Variants in SOCS5 observed in about 807,000 individuals in gnomAD.
The protein encoded by SOCS5 is suppressor of cytokine signaling 5.
Under a neutral mutation model 42.8 loss-of-function variants are expected in SOCS5, and 32 were observed. The observed-to-expected ratio is 0.75, with a 90% CI of 0.56 to 1.01. SOCS5 has a LOEUF of 1.01. SOCS5 is among the 50% of genes least tolerant of loss of function. SOCS5 has a pLI of 0.00. For missense variants in SOCS5, 627 were observed against 653.0 expected (o/e 0.96, Z 0.43); for synonymous variants, 283 against 229.6 (o/e 1.23, Z -2.10).
chr2:46,719,907 T>C (rs1252721171), intron 1 of SOCS5, among the ~76,000 whole-genome samples: 1 of 152,176 alleles, frequency 6.6e-6, no homozygotes, highest in African/African-American at 2.4e-5. Context: ...GGGCACTGAT[T>C]CTATTCTAAA....
chr2:46,726,463 T>C (rs1019530426), intron 1 of SOCS5, among the ~76,000 whole-genome samples: 1 of 152,196 alleles, frequency 6.6e-6, no homozygotes, highest in Admixed American at 6.5e-5. Flanking sequence ...TATCTTTTAC[T>C]AACTTTGTTA....
intron 1 of SOCS5, among the ~76,000 whole-genome samples, chr2:46,754,091 C>T (rs1558413200): frequency 1.3e-5 from 2 of 152,102 alleles, no homozygotes; most frequent in Admixed American, 6.6e-5. Flanking sequence ...TAGGTCTCAG[C>T]CTTATTTTTC....
At position 46,762,915 on chromosome 2, in the gene SOCS5, G is replaced by A. The variant is rs1371679991; in HGVS notation, c.*2774G>A. On this transcript the variant is annotated 3_prime_UTR_variant, in exon 2 of 2. Transcript: ENST00000394861. The stretch of plus-strand genomic sequence containing the variant: ...CTCTCCCTTCCGCATACATATAAGT[G>A]TGTATTATATATTTATGTATGCACA... 6.0e-6 allele frequency: 1 copy of A among 166,906 alleles called. No individual in the cohort carries two copies. Among genetic ancestry groups the A allele is most frequent in the Non-Finnish European group, 1.5e-5 (1 of 68,064 alleles). The allele number at this position is 166,906 out of a possible 1,614,324, so 10.3% of individuals were successfully genotyped here.
In SOCS5 at chr2:46,762,219, A is replaced by C. The variant is rs1673886712; in HGVS notation, c.*2078A>C. 1 of 167,112 alleles carries C rather than the reference A, an allele frequency of 6.0e-6. No individual in the cohort carries two copies. Among genetic ancestry groups the C allele is most frequent in the African/African-American group, 2.4e-5 (1 of 41,584 alleles). The allele number at this position is 167,112 out of a possible 1,614,324, so 10.4% of individuals were successfully genotyped here. The stretch of plus-strand genomic sequence containing the variant: ...CTACTTTAAAGCATTATGTGCAATT[A>C]AGTTGTTATGACATAATTATATTGC... On this transcript the variant is annotated 3_prime_UTR_variant, in exon 2 of 2. Coordinates refer to ENST00000394861, the MANE Select transcript of SOCS5 (RefSeq NM_144949.3).
intron 1 of SOCS5, among the ~76,000 whole-genome samples, chr2:46,756,935 A>AAAAT (rs1355493413): frequency 6.6e-6 from 1 of 152,268 alleles, no homozygotes; most frequent in Non-Finnish European, 1.5e-5. Context: ...GCCGTGTTCT[A>AAAAT]AAATAGACTT....
In SOCS5 at chr2:46,715,751, C is replaced by T. The variant is rs999611872; in HGVS notation, c.-13+16302C>T. On this transcript the variant is annotated intron_variant, in intron 1 of 1. Coordinates refer to ENST00000394861, the MANE Select transcript of SOCS5 (RefSeq NM_144949.3). Reference sequence around the variant, plus strand: ...AGATTTCGTTTGTATCACTGATTGACAGCAACTTTATTATGTTGAGCCTTT... The same window carrying T: ...AGATTTCGTTTGTATCACTGATTGATAGCAACTTTATTATGTTGAGCCTTT... Among the ~76,000 whole-genome samples the T allele has an allele frequency of 3.3e-5, 5 of 152,304 alleles. No homozygotes were observed. The East Asian group carries it at 9.6e-4, about 29-fold the overall frequency.
At chr2:46,720,897 G>A (rs1672869268) in intron 1 of SOCS5, among the ~76,000 whole-genome samples, 2 of 152,126 alleles carry the variant, frequency 1.3e-5, no homozygotes, top group South Asian at 2.1e-4. Context: ...TCTTTCACAC[G>A]GTTCTGAGAA....
chr2:46,744,272 G>A (rs915963493), intron 1 of SOCS5, among the ~76,000 whole-genome samples: 1 of 152,142 alleles, frequency 6.6e-6, no homozygotes, highest in African/African-American at 2.4e-5. Flanking sequence ...TTACAGGCAT[G>A]AGCCACCACA....
chr2:46,716,860 G>T (rs976843633), intron 1 of SOCS5, among the ~76,000 whole-genome samples: 1 of 152,138 alleles, frequency 6.6e-6, no homozygotes, highest in Non-Finnish European at 1.5e-5. Context: ...AGACAGATAC[G>T]GAATAGCTTT....
At chr2:46,714,729 A>G (rs901927296) in intron 1 of SOCS5, among the ~76,000 whole-genome samples, 5 of 152,094 alleles carry the variant, frequency 3.3e-5, no homozygotes, top group African/African-American at 1.2e-4. Context: ...GACCATTTGC[A>G]CTTAATGTAA....
chr2:46,725,560 C>T (rs977993985), intron 1 of SOCS5, among the ~76,000 whole-genome samples: 1 of 152,034 alleles, frequency 6.6e-6, no homozygotes, highest in African/African-American at 2.4e-5. Flanking sequence ...ATTTCTCTGC[C>T]TTCTTTCTTG....
intron 1 of SOCS5, among the ~76,000 whole-genome samples, chr2:46,744,234 C>T (rs966635758): frequency 2.0e-5 from 3 of 152,162 alleles, no homozygotes; most frequent in African/African-American, 7.2e-5. Context: ...AAGTGATCCG[C>T]CTGCCTCGGC....
At chr2:46,703,864 T>A (rs1425115387) in intron 1 of SOCS5, among the ~76,000 whole-genome samples, 1 of 152,196 alleles carries the variant, frequency 6.6e-6, no homozygotes, top group Non-Finnish European at 1.5e-5. Context: ...GGGAGGGCTT[T>A]TGAATCTGGT....
chr2:46,757,751 C>G (rs1309457606), intron 1 of SOCS5, among the ~76,000 whole-genome samples: 2 of 152,286 alleles, frequency 1.3e-5, no homozygotes, highest in East Asian at 3.9e-4. Context: ...CCTGTAATCC[C>G]AGCTACTCAG....
chr2:46,741,978 A>G (rs1159977660), intron 1 of SOCS5, among the ~76,000 whole-genome samples: 1 of 152,188 alleles, frequency 6.6e-6, no homozygotes, highest in African/African-American at 2.4e-5. Context: ...CCTTTCTGAA[A>G]CGTCATGTGG....
intron 1 of SOCS5, among the ~76,000 whole-genome samples, chr2:46,745,414 G>T (rs1673475778): frequency 6.6e-6 from 1 of 152,104 alleles, no homozygotes; most frequent in Admixed American, 6.6e-5. Flanking sequence ...TGTTTAAATT[G>T]AACATAAAAT....
rs1672300679 is a variant in SOCS5, at chr2:46,699,729, C to G, written c.-13+280C>G. Among the ~76,000 whole-genome samples, 1 of 152,150 alleles carries G rather than the reference C, an allele frequency of 6.6e-6. No homozygotes were observed. The highest frequency in any genetic ancestry group is 2.1e-4 in the South Asian group (1 of 4,824). On this transcript the variant is annotated intron_variant, in intron 1 of 1. Coordinates refer to ENST00000394861, the MANE Select transcript of SOCS5 (RefSeq NM_144949.3). The surrounding 1 kb of genome is among the most constrained non-coding windows in gnomAD (Gnocchi z 4.8). Reference sequence around the variant, plus strand: ...GATGCATTTCTGTGGAATTGTTTTTCTGGTTGGAGGAACGTGGGGTTCCTA... The same window carrying G: ...GATGCATTTCTGTGGAATTGTTTTTGTGGTTGGAGGAACGTGGGGTTCCTA...
intron 1 of SOCS5, among the ~76,000 whole-genome samples, chr2:46,755,519 A>T (rs912099292): frequency 5.3e-5 from 8 of 152,226 alleles, no homozygotes; most frequent in African/African-American, 1.9e-4. Context: ...CAAAAGCATT[A>T]TAAAATCAGT....
chr2:46,749,444 A>G (rs992902205), intron 1 of SOCS5, among the ~76,000 whole-genome samples: 1 of 152,214 alleles, frequency 6.6e-6, no homozygotes, highest in Non-Finnish European at 1.5e-5. Context: ...TGCTAAATCT[A>G]AGGCTTATGT....
Sources: gnomAD v4.1 joint callset for allele counts (sites outside exome capture counted in the v4.1 genomes callset) on GRCh38, gnomAD v4.1.1 for gene constraint, Gnocchi (gnomAD v3.1) non-coding constraint, MANE v1.5 for transcripts, NCBI Gene and HGNC (gene_info 2026-07-23, HGNC 2026-07-21) for gene names.